Variants in EXOC5 observed in about 807,000 individuals in gnomAD.
EXOC5 encodes SEC10-like 1.
A neutral mutation model predicts 90.8 loss-of-function variants in EXOC5; 17 were observed. The observed-to-expected ratio is 0.19, with a 90% CI of 0.13 to 0.28. The LOEUF (loss-of-function observed/expected upper bound fraction) is 0.28. Among genes scored for constraint, EXOC5 ranks in the 10% least tolerant of loss-of-function variants. The probability of loss-of-function intolerance (pLI) is 1.00; values close to 1 mark genes in which losing one functional copy is unlikely to be tolerated. For missense variants in EXOC5, 569 were observed against 830.6 expected, an observed-to-expected ratio of 0.69 and a Z score of 3.87; for synonymous variants, 260 against 270.0, an observed-to-expected ratio of 0.96 and a Z score of 0.36.
chr14:57,224,298 C>T (rs567908368), intron 12 of EXOC5, among the ~76,000 whole-genome samples: 10 of 151,232 alleles, frequency 6.6e-5, no homozygotes, highest in Non-Finnish European at 1.2e-4. Flanking sequence ...GCTGGTTCTT[C>T]GGGGGGAAAT....
intron 17 of EXOC5, among the ~76,000 whole-genome samples, chr14:57,209,326 G>C (rs1347324491): frequency 1.3e-5 from 2 of 151,108 alleles, no homozygotes; most frequent in Admixed American, 1.3e-4. Context: ...AGGAGTAAGA[G>C]ACCAGCCTGG....
chr14:57,268,706 G>A lies in EXOC5; in HGVS notation c.-58C>T. 1 of 1,549,908 alleles carries A rather than the reference G, an allele frequency of 6.5e-7. No individual in the cohort carries two copies. Among genetic ancestry groups the A allele is most frequent in the South Asian group, 1.2e-5 (1 of 85,144 alleles). On this transcript the variant is annotated 5_prime_UTR_variant, in exon 1 of 18. Transcript: ENST00000621441. ...ATGCCGTCTCCGCTTCACATGCTGC[G>A]CCTCAGAGGCGCGGCGCACAGGTCT...
chr14:57,222,762 CAT>C (rs149486431), intron 12 of EXOC5, among the ~76,000 whole-genome samples: 3,763 of 134,872 alleles, frequency 0.028, 47 homozygotes, highest in African/African-American at 0.037. Context: ...CACACACACA[CAT>C]ATATATATAT....
At chr14:57,265,207 G>A (rs1364057968) in intron 1 of EXOC5, among the ~76,000 whole-genome samples, 1 of 150,014 alleles carries the variant, frequency 6.7e-6, no homozygotes, top group Admixed American at 6.7e-5. Flanking sequence ...ATGCAGCCTC[G>A]TCAATTTCAG....
rs113228390 is a variant in EXOC5 at position 57,224,828 on chromosome 14, G to A, written c.1297-2412C>T. Among the ~76,000 whole-genome samples the A allele has an allele frequency of 2.3e-3, 346 of 152,294 alleles. 2 individuals carry two copies. The highest frequency in any genetic ancestry group is 7.9e-3 in the African/African-American group (330 of 41,550). ...TGTAATCTCAGCACTTTGGGAAGCC[G>A]AGGCGGGCGGATCACCTGAGGTCAG... On this transcript the variant is annotated intron_variant, in intron 12 of 17. Coordinates refer to ENST00000621441, the MANE Select transcript of EXOC5 (RefSeq NM_006544.4).
chr14:57,218,446 A>G (rs542185493), intron 14 of EXOC5, among the ~76,000 whole-genome samples: 9 of 152,222 alleles, frequency 5.9e-5, no homozygotes, highest in African/African-American at 2.2e-4. Flanking sequence ...TATCATCACC[A>G]GAGTTTTAAG....
In EXOC5 at chr14:57,218,149, T is replaced by C. The variant is rs1883026234; in HGVS notation, c.1527-81A>G. On this transcript the variant is annotated intron_variant, in intron 14 of 17. Transcript: ENST00000621441. Reference sequence around the variant, plus strand: ...AAGTTTTTCATACACCTATGTGTATTACATTATATACATTTATAAATATAT... The same window carrying C: ...AAGTTTTTCATACACCTATGTGTATCACATTATATACATTTATAAATATAT... 4 of 629,948 alleles carry C rather than the reference T, an allele frequency of 6.3e-6. No homozygotes were observed. The East Asian group carries it at 1.1e-4, about 18-fold the overall frequency. 39.0% of individuals were successfully genotyped at this position (629,948 alleles called of 1,614,324 possible). A position where few individuals can be genotyped will look rare whatever the true frequency, so the allele number is the denominator to read the frequency against.
chr14:57,210,624 G>A (rs1442443835), intron 15 of EXOC5, among the ~76,000 whole-genome samples: 1 of 152,112 alleles, frequency 6.6e-6, no homozygotes, highest in Non-Finnish European at 1.5e-5. Flanking sequence ...AGAAAGCAAA[G>A]ATGTCACTAT....
intron 1 of EXOC5, among the ~76,000 whole-genome samples, chr14:57,248,652 C>G (rs933718666): frequency 2.6e-5 from 4 of 152,028 alleles, no homozygotes; most frequent in African/African-American, 9.7e-5. Context: ...TCATACTACC[C>G]TCTTTCATGT....
At chr14:57,253,594 TA>T (rs1884256470) in intron 1 of EXOC5, among the ~76,000 whole-genome samples, 1 of 152,172 alleles carries the variant, frequency 6.6e-6, no homozygotes, top group African/African-American at 2.4e-5. Context: ...TCACACCTTC[TA>T]ATTTCAAAAC....
At position 57,208,763 on chromosome 14, in the gene EXOC5, T is replaced by C. The variant is rs1218347774; in HGVS notation, c.1973A>G (p.His658Arg). The change falls in exon 18 of 18, where the codon CAT becomes CGT. Residue 658 changes from histidine (H) to arginine (R), a missense_variant. This residue lies in a region of EXOC5 where 122 missense variants were observed against 180.0 expected (regional missense o/e 0.68). Coordinates refer to ENST00000621441, the MANE Select transcript of EXOC5 (RefSeq NM_006544.4). ...PMVLHLFDTL[H>R]ALCNLLVVAP... The stretch of plus-strand genomic sequence containing the variant: ...AACTACCAGAAGATTGCAAAGAGCA[T>C]GCAGAGTATCAAAAAGATGTAATAC... 2 of 1,608,268 alleles carry C rather than the reference T, an allele frequency of 1.2e-6. No homozygotes were observed. The highest frequency in any genetic ancestry group is 1.3e-5 in the African/African-American group (1 of 74,830).
At chr14:57,245,845 G>T (rs965797083) in intron 3 of EXOC5, among the ~76,000 whole-genome samples, 5 of 152,084 alleles carry the variant, frequency 3.3e-5, no homozygotes, top group Non-Finnish European at 5.9e-5. Context: ...CTGAGGTCAG[G>T]AGTTCAAGAC....
chr14:57,208,978 T>A (rs1270705873), intron 17 of EXOC5, among the ~76,000 whole-genome samples, 181 bp from the exon 18 acceptor site: 1 of 152,302 alleles, frequency 6.6e-6, no homozygotes, highest in Non-Finnish European at 1.5e-5. Context: ...TTAAATAAAC[T>A]TGCTATAATA....
intron 1 of EXOC5, among the ~76,000 whole-genome samples, chr14:57,257,535 C>T (rs181123342): frequency 3.4e-4 from 51 of 152,160 alleles, no homozygotes; most frequent in Non-Finnish European, 7.4e-5. Context: ...AAGCAAGAGG[C>T]ACCAGTGTAG....
chr14:57,211,141 T>A (rs901476079), intron 15 of EXOC5, among the ~76,000 whole-genome samples: 2 of 152,344 alleles, frequency 1.3e-5, no homozygotes, highest in Middle Eastern at 6.8e-3. Flanking sequence ...TACACTGCTG[T>A]ACCTTTAATA....
At chr14:57,220,217 C>T (rs772143086) in intron 13 of EXOC5, among the ~76,000 whole-genome samples, 2 of 151,306 alleles carry the variant, frequency 1.3e-5, no homozygotes, top group Admixed American at 6.6e-5. Context: ...CCCCCTGCCC[C>T]CGCAAGTAAA....
At chr14:57,262,573 T>C (rs1884536182) in intron 1 of EXOC5, among the ~76,000 whole-genome samples, 1 of 147,890 alleles carries the variant, frequency 6.8e-6, no homozygotes, top group Admixed American at 6.8e-5. Flanking sequence ...TGTATATATA[T>C]ATACGTATAT....
At chr14:57,242,857 A>T (rs1853896386) in intron 4 of EXOC5, among the ~76,000 whole-genome samples, 1 of 152,236 alleles carries the variant, frequency 6.6e-6, no homozygotes, top group African/African-American at 2.4e-5. Flanking sequence ...AGTGCCCATC[A>T]ACCAACGAGC....
rs1594690672 is a variant in EXOC5 at position 57,266,749 on chromosome 14, AT to A, written c.27+1872del. Among the ~76,000 whole-genome samples the A allele has an allele frequency of 1.5e-4, 22 of 150,190 alleles. No homozygotes were observed. The Admixed American group carries it at 1.5e-3, about 10-fold the overall frequency. On this transcript the variant is annotated intron_variant, in intron 1 of 17. Coordinates refer to ENST00000621441, the MANE Select transcript of EXOC5 (RefSeq NM_006544.4). Reference sequence around the variant, plus strand: ...TGTGTGTGTGTGTATATATATATATATATAAAACGTATATATATACTACTTA... The same window carrying A: ...TGTGTGTGTGTGTATATATATATATAATAAAACGTATATATATACTACTTA...
Sources: allele counts gnomAD v4.1 joint callset (sites outside exome capture counted in the v4.1 genomes callset), GRCh38; gene constraint gnomAD v4.1.1; regional missense constraint gnomAD v4.1.1; transcripts MANE v1.5; gene names NCBI Gene and HGNC (gene_info 2026-07-23, HGNC 2026-07-21).